The following SUCLG2 variants were observed in gnomAD, a reference collection of about 807,000 sequenced individuals.
SUCLG2 encodes succinate--CoA ligase [GDP-forming] subunit beta, mitochondrial.
A neutral mutation model predicts 47.9 loss-of-function variants in SUCLG2; 42 were observed. The ratio of observed to expected loss-of-function variants is 0.88; its 90% CI spans 0.69 to 1.14. The LOEUF (loss-of-function observed/expected upper bound fraction) is 1.14. SUCLG2 is among the 50% of genes most tolerant of loss of function. The pLI, the probability that SUCLG2 is intolerant of heterozygous loss-of-function variation, is 0.00. For missense variants in SUCLG2, 571 were observed against 525.9 expected (o/e 1.09, Z -0.84); for synonymous variants, 195 against 197.3 (o/e 0.99, Z 0.10).
At chr3:67,451,853 G>A (rs1471802721) in intron 9 of SUCLG2, among the ~76,000 whole-genome samples, 1 of 152,074 alleles carries the variant, frequency 6.6e-6, no homozygotes, top group Non-Finnish European at 1.5e-5. Context: ...GGGGGGCTGG[G>A]GAAGAACCTG....
intron 2 of SUCLG2, among the ~76,000 whole-genome samples, chr3:67,551,629 G>C (rs939358617): frequency 6.6e-6 from 1 of 152,180 alleles, no homozygotes; most frequent in Non-Finnish European, 1.5e-5. Flanking sequence ...GAAGCAACCA[G>C]ACACTGAAGC....
intron 9 of SUCLG2, among the ~76,000 whole-genome samples, chr3:67,494,442 C>T (rs1322353926): frequency 6.6e-6 from 1 of 151,992 alleles, no homozygotes; most frequent in African/African-American, 2.4e-5. Flanking sequence ...TGAGACCAGC[C>T]TGAGCAACAC....
chr3:67,592,743 A>AAAAAAAAAAAAAAAAAAAAAAAAAAAAAC (rs1559587055), intron 2 of SUCLG2, among the ~76,000 whole-genome samples: 1 of 148,480 alleles, frequency 6.7e-6, no homozygotes, highest in African/African-American at 2.6e-5. Context: ...AAAACAACAA[A>AAAAAAAAAAAAAAAAAAAAAAAAAAAAAC]AAAAAACTGA....
chr3:67,494,909 C>A (rs1383562843), intron 9 of SUCLG2, among the ~76,000 whole-genome samples: 2 of 152,170 alleles, frequency 1.3e-5, no homozygotes, highest in South Asian at 4.1e-4. Context: ...GTGGTAGCTA[C>A]ATTCTAGTTA....
chr3:67,633,327 T>G (rs1700957839), intron 1 of SUCLG2, among the ~76,000 whole-genome samples: 2 of 152,208 alleles, frequency 1.3e-5, no homozygotes, highest in Non-Finnish European at 2.9e-5. Context: ...TCAATATTCA[T>G]AAACAATGTA....
At chr3:67,521,608 T>C (rs890599530) in intron 4 of SUCLG2, among the ~76,000 whole-genome samples, 2 of 150,898 alleles carry the variant, frequency 1.3e-5, no homozygotes, top group African/African-American at 5.0e-5. Flanking sequence ...TTAATCTTTT[T>C]TTTTTTTAAA....
At chr3:67,383,527 CAGT>C (rs1702203220) in intron 10 of SUCLG2, among the ~76,000 whole-genome samples, 1 of 152,142 alleles carries the variant, frequency 6.6e-6, no homozygotes, top group Non-Finnish European at 1.5e-5. Flanking sequence ...TCTTCTCGCA[CAGT>C]AAGAAGAAAT....
intron 1 of SUCLG2, among the ~76,000 whole-genome samples, chr3:67,626,832 T>C (rs56149443): frequency 0.067 from 9,457 of 141,764 alleles, 440 homozygotes; most frequent in African/African-American, 0.14. Flanking sequence ...AAGAATGGCG[T>C]GAACCCCGGA....
At chr3:67,630,168 GA>G (rs35895962) in intron 1 of SUCLG2, among the ~76,000 whole-genome samples, 58,917 of 149,770 alleles carry the variant, frequency 0.39, 11,983 homozygotes, top group African/African-American at 0.49. Flanking sequence ...AAGCAAATGT[GA>G]AAAAAAAAAC....
chr3:67,650,320 G>C (rs762138464), intron 1 of SUCLG2, among the ~76,000 whole-genome samples: 7 of 152,222 alleles, frequency 4.6e-5, no homozygotes, highest in African/African-American at 1.4e-4. Context: ...CGTAAAGGCA[G>C]AAAATTAGGC....
In SUCLG2 at chr3:67,495,920, T is replaced by C. The variant is rs749932030; in HGVS notation, c.940A>G (p.Met314Val). 8.7e-6 allele frequency: 14 copies of C among 1,614,006 alleles called. No individual in the cohort carries two copies. The highest frequency in any genetic ancestry group is 1.3e-5 in the African/African-American group (1 of 75,048). ...ACFVNGAGLA[M>V]ATCDIIFLNG... ...AGGAAAATGATATCACAAGTAGCCATGGCGAGCCCAGCACCATTCACTGTG... is the reference window on the plus strand; with the variant it reads ...AGGAAAATGATATCACAAGTAGCCACGGCGAGCCCAGCACCATTCACTGTG... The change falls in exon 9 of 11, where the codon ATG (methionine) becomes GTG (valine). Residue 314 changes from methionine to valine, a missense_variant. Transcript: ENST00000307227.
intron 1 of SUCLG2, among the ~76,000 whole-genome samples, chr3:67,648,521 C>T (rs1032407674): frequency 2.0e-5 from 3 of 152,136 alleles, no homozygotes; most frequent in Non-Finnish European, 2.9e-5. Context: ...CAGCATGAGG[C>T]GGGTGACTCC....
At chr3:67,533,557 G>T (rs1441677711) in intron 2 of SUCLG2, among the ~76,000 whole-genome samples, 1 of 152,100 alleles carries the variant, frequency 6.6e-6, no homozygotes, top group African/African-American at 2.4e-5. Flanking sequence ...CAGAAGGCAA[G>T]GAGAAGGCAA....
At chr3:67,432,405 T>C (rs915623353) in intron 9 of SUCLG2, among the ~76,000 whole-genome samples, 9 of 152,224 alleles carry the variant, frequency 5.9e-5, no homozygotes, top group African/African-American at 1.9e-4. Flanking sequence ...AAGGTCTGAT[T>C]TGAAATACAA....
chr3:67,406,878 A>G (rs1702824607), intron 9 of SUCLG2, among the ~76,000 whole-genome samples: 1 of 152,184 alleles, frequency 6.6e-6, no homozygotes, highest in South Asian at 2.1e-4. Context: ...TTTATAGATA[A>G]ACTGAGTCTC....
chr3:67,565,999 T>C (rs1211488182), intron 2 of SUCLG2, among the ~76,000 whole-genome samples: 1 of 152,322 alleles, frequency 6.6e-6, no homozygotes, highest in South Asian at 2.1e-4. Context: ...TGAGGCACAC[T>C]CTGTTCCAGG....
chr3:67,486,359 C>G (rs1705052630), intron 9 of SUCLG2, among the ~76,000 whole-genome samples: 2 of 152,140 alleles, frequency 1.3e-5, no homozygotes, highest in South Asian at 4.1e-4. Context: ...AAAAGCTGCT[C>G]ATAATTATCC....
chr3:67,372,580 G>C (rs1016489155), downstream of SUCLG2, among the ~76,000 whole-genome samples: 15 of 152,288 alleles, frequency 9.8e-5, 1 homozygote, highest in Non-Finnish European at 1.9e-4. Context: ...ATGTTCAAAA[G>C]TGCAAGGAGC....
At chr3:67,547,682 G>GA (rs1011028018) in intron 2 of SUCLG2, among the ~76,000 whole-genome samples, 9 of 152,174 alleles carry the variant, frequency 5.9e-5, no homozygotes, top group African/African-American at 2.2e-4. Context: ...CTCCAGAAAA[G>GA]AAGATGTCCT....
Sources: allele counts gnomAD v4.1 joint callset (sites outside exome capture counted in the v4.1 genomes callset), GRCh38; gene constraint gnomAD v4.1.1; transcripts MANE v1.5; gene names NCBI Gene and HGNC (gene_info 2026-07-23, HGNC 2026-07-21).